Variants in BBX observed in about 807,000 individuals in gnomAD.
BBX encodes BBX high mobility group box domain containing.
A neutral mutation model predicts 100.2 loss-of-function variants in BBX; 30 were observed. The ratio of observed to expected loss-of-function variants is 0.30; its 90% CI spans 0.22 to 0.41. The LOEUF (loss-of-function observed/expected upper bound fraction) is 0.41, where lower values mean the gene tolerates loss of function less well. Among genes scored for constraint, BBX ranks in the 10% least tolerant of loss-of-function variants. The pLI, the probability that BBX is intolerant of heterozygous loss-of-function variation, is 1.00. For synonymous variants in BBX, 376 were observed against 388.1 expected, an observed-to-expected ratio of 0.97 and a Z score of 0.37; for missense variants, 1,023 against 1,129.8, an observed-to-expected ratio of 0.91 and a Z score of 1.35.
chr3:107,582,209 T>C (rs892771454), intron 2 of BBX, among the ~76,000 whole-genome samples: 3 of 149,896 alleles, frequency 2.0e-5, no homozygotes, highest in Admixed American at 1.3e-4. Flanking sequence ...CAAAATAATA[T>C]TATATTTTTT....
intron 5 of BBX, among the ~76,000 whole-genome samples, chr3:107,721,502 C>T (rs2062528268): frequency 6.6e-6 from 1 of 151,942 alleles, no homozygotes; most frequent in Non-Finnish European, 1.5e-5. Context: ...TTAGGGGCCC[C>T]ACCACATTTG....
rs187805019 is a variant in BBX, at chr3:107,703,440, G to A, written c.-9-7012G>A. ...TTCCATTTGAGAACCATGTTAAGCT[G>A]TCCCAAGGCTAAGTGTCGTGGAGTG... On this transcript the variant is annotated intron_variant, in intron 3 of 17. Coordinates refer to ENST00000325805, the MANE Select transcript of BBX (RefSeq NM_001142568.3). 9.9e-5 allele frequency among the ~76,000 whole-genome samples: 15 copies of A among 152,270 alleles called. 1 individual carries two copies. In the East Asian group the frequency reaches 2.9e-3, roughly 29 times the overall value.
chr3:107,570,886 G>GTGTA (rs2107515628), intron 2 of BBX, among the ~76,000 whole-genome samples: 1 of 152,258 alleles, frequency 6.6e-6, no homozygotes, highest in African/African-American at 2.4e-5. Flanking sequence ...AGGGACTGAT[G>GTGTA]TGTAGTAAAG....
chr3:107,632,284 C>T (rs1308240240), intron 2 of BBX, among the ~76,000 whole-genome samples: 2 of 152,168 alleles, frequency 1.3e-5, no homozygotes, highest in South Asian at 2.1e-4. Context: ...AAGGCTTTAC[C>T]AGGTTGGCCA....
At chr3:107,769,031 AG>A (rs1452122123) in intron 10 of BBX, among the ~76,000 whole-genome samples, 2 of 150,894 alleles carry the variant, frequency 1.3e-5, no homozygotes, top group Non-Finnish European at 2.9e-5. Context: ...AGCCGGGCAT[AG>A]TGGCATGAAC....
chr3:107,729,255 G>A (rs1490398130), intron 6 of BBX, among the ~76,000 whole-genome samples: 1 of 152,092 alleles, frequency 6.6e-6, no homozygotes, highest in Non-Finnish European at 1.5e-5. Flanking sequence ...GAAATTTTAT[G>A]TTCACAAAAT....
chr3:107,808,359 A>G lies in BBX; in HGVS notation c.*2902A>G, dbSNP rs909956282. On this transcript the variant is annotated 3_prime_UTR_variant, in exon 18 of 18. Coordinates refer to ENST00000325805, the MANE Select transcript of BBX (RefSeq NM_001142568.3). ...ATTCTGAATTTAGTTGAAATTATCA[A>G]TATTTATGCTTTTAACCTTAATTTC... The G allele has an allele frequency of 1.1e-4, 16 of 152,164 alleles. No individual in the cohort carries two copies. The highest frequency in any genetic ancestry group is 1.2e-4 in the Non-Finnish European group (8 of 68,026). The allele number at this position is 152,164 out of a possible 1,614,324, so 9.4% of individuals were successfully genotyped here.
At chr3:107,721,024 T>G (rs1435838842) in intron 5 of BBX, among the ~76,000 whole-genome samples, 1 of 152,110 alleles carries the variant, frequency 6.6e-6, no homozygotes. Flanking sequence ...GCACTTTGCC[T>G]ACTATTAGAG....
intron 2 of BBX, among the ~76,000 whole-genome samples, chr3:107,550,313 G>A (rs960704823): frequency 2.6e-5 from 4 of 152,102 alleles, no homozygotes; most frequent in African/African-American, 9.7e-5. Context: ...ACTCTGGAGA[G>A]GTACAGACAA....
Position 107,603,813 on chromosome 3 carries a change from G to A in BBX, c.-83-42023G>A, listed in dbSNP as rs147062713. Among the ~76,000 whole-genome samples the A allele has an allele frequency of 3.2e-3, 480 of 152,080 alleles. 1 individual carries two copies. The highest frequency in any genetic ancestry group is 5.3e-3 in the Non-Finnish European group (358 of 67,974). ...GGGTATGACTCACTGATGATCACTA[G>A]CGTTTTTAAAATATAAGATATTTTA... On this transcript the variant is annotated intron_variant, in intron 2 of 17. Coordinates refer to ENST00000325805, the MANE Select transcript of BBX (RefSeq NM_001142568.3).
In BBX at chr3:107,678,545, G is replaced by A. The variant is rs1227120152; in HGVS notation, c.-9-31907G>A. On this transcript the variant is annotated intron_variant, in intron 3 of 17. Coordinates refer to ENST00000325805, the MANE Select transcript of BBX (RefSeq NM_001142568.3). ...TTGAGATAAGCCTAGGCAACACAGT[G>A]AGACCTCGCTTCTGCAAAAATTTGA... Among the ~76,000 whole-genome samples the A allele has an allele frequency of 2.0e-5, 3 of 152,054 alleles. No homozygotes were observed. The East Asian group carries it at 5.8e-4, about 29-fold the overall frequency.
rs2062143998 is a variant in BBX at position 107,716,858 on chromosome 3, C to T, written c.405+9C>T. The T allele has an allele frequency of 1.9e-6, 3 of 1,612,212 alleles. No individual in the cohort carries two copies. The highest frequency in any genetic ancestry group is 2.5e-6 in the Non-Finnish European group (3 of 1,178,622). ...CAGACATGGCCAAGGAGGTAGGTTA[C>T]AATGACAAGGTATTCTGATAGCTAA... On this transcript the variant is annotated intron_variant, in intron 5 of 17. Coordinates refer to ENST00000325805, the MANE Select transcript of BBX (RefSeq NM_001142568.3).
Position 107,721,014 on chromosome 3 carries a change from G to T in BBX, c.405+4165G>T, listed in dbSNP as rs540533696. Among the ~76,000 whole-genome samples the T allele has an allele frequency of 3.3e-5, 5 of 152,140 alleles. No homozygotes were observed. The South Asian group carries it at 1.0e-3, about 32-fold the overall frequency. On this transcript the variant is annotated intron_variant, in intron 5 of 17. Transcript: ENST00000325805. ...TGTATTCTTGCAAGCATGCTATATA[G>T]CACTTTGCCTACTATTAGAGTAGCA... is the stretch of plus-strand genomic sequence containing the variant.
chr3:107,722,359 T>C (rs1432513155), intron 5 of BBX, among the ~76,000 whole-genome samples: 2 of 152,022 alleles, frequency 1.3e-5, no homozygotes. Context: ...TGTCCACCTT[T>C]TTAAAAGTAG....
intron 3 of BBX, among the ~76,000 whole-genome samples, chr3:107,686,783 T>C (rs2059874625): frequency 6.6e-6 from 1 of 152,140 alleles, no homozygotes; most frequent in Non-Finnish European, 1.5e-5. Context: ...CAGACAGTTG[T>C]GGTGTTCACA....
At chr3:107,608,874 T>C (rs1294738420) in intron 2 of BBX, among the ~76,000 whole-genome samples, 3 of 152,218 alleles carry the variant, frequency 2.0e-5, no homozygotes, top group Non-Finnish European at 1.5e-5. Flanking sequence ...TGTTCGCATA[T>C]AGAAATGCTA....
At chr3:107,635,023 A>G (rs2056768657) in intron 2 of BBX, among the ~76,000 whole-genome samples, 1 of 152,228 alleles carries the variant, frequency 6.6e-6, no homozygotes, top group Non-Finnish European at 1.5e-5. Context: ...GACCTGGGTC[A>G]AGTAAGTTGA....
chr3:107,754,565 G>C (rs529826229), intron 9 of BBX, among the ~76,000 whole-genome samples: 1 of 152,292 alleles, frequency 6.6e-6, no homozygotes, highest in Admixed American at 6.5e-5. Context: ...TATTCAGCAA[G>C]TATTCTAGGG....
intron 2 of BBX, among the ~76,000 whole-genome samples, chr3:107,584,055 TATATATATC>T (rs2052535247): frequency 2.7e-5 from 1 of 37,206 alleles, no homozygotes; most frequent in Non-Finnish European, 4.7e-5. Flanking sequence ...TTATATATAT[TATATATATC>T]ATATATTATA....
Sources: allele counts gnomAD v4.1 joint callset (sites outside exome capture counted in the v4.1 genomes callset), GRCh38; gene constraint gnomAD v4.1.1; transcripts MANE v1.5; gene names NCBI Gene and HGNC (gene_info 2026-07-23, HGNC 2026-07-21).